The following CDK8 variants were observed in gnomAD, a reference collection of about 807,000 sequenced individuals.
CDK8 encodes the protein cyclin dependent kinase 8, also known as cyclin-dependent kinase 8.
In CDK8, 29 loss-of-function variants were observed where a neutral mutation model predicts 71.5. That is an observed-to-expected ratio of 0.41 (90% CI 0.30 to 0.55). The LOEUF (loss-of-function observed/expected upper bound fraction) is 0.55. Among genes scored for constraint, CDK8 ranks in the 20% least tolerant of loss-of-function variants. The probability of loss-of-function intolerance (pLI) is 0.37; values close to 1 mark genes in which losing one functional copy is unlikely to be tolerated. For synonymous variants in CDK8, 161 were observed against 192.1 expected, an observed-to-expected ratio of 0.84 and a Z score of 1.34; for missense variants, 288 against 572.6, an observed-to-expected ratio of 0.50 and a Z score of 5.07.
rs1365657120 is a variant in CDK8 at position 26,257,917 on chromosome 13, TGTGTGA to T, written c.128+3150_128+3155del. Among the ~76,000 whole-genome samples, 514 of 141,870 alleles carry T rather than the reference TGTGTGA, an allele frequency of 3.6e-3. 1 individual carries two copies. The highest frequency in any genetic ancestry group is 0.014 in the African/African-American group (447 of 33,074). The allele number at this position is 141,870 out of a possible 152,430, so 93.1% of individuals were successfully genotyped here. On this transcript the variant is annotated intron_variant, in intron 1 of 12. Coordinates refer to ENST00000381527, the MANE Select transcript of CDK8 (RefSeq NM_001260.3). ...GTTTGTGTGTGTGTGTGTGTGTGTGTGTGTGAGAGAGAGAGAGATACTGCCAACTTT... is the reference window on the plus strand; with the variant it reads ...GTTTGTGTGTGTGTGTGTGTGTGTGTGAGAGAGAGAGATACTGCCAACTTT...
At chr13:26,294,016 G>A (rs2137906055) in intron 1 of CDK8, among the ~76,000 whole-genome samples, 1 of 152,214 alleles carries the variant, frequency 6.6e-6, no homozygotes, top group Non-Finnish European at 1.5e-5. Flanking sequence ...GTGAGATCAT[G>A]TGGTATTTAT....
At chr13:26,310,905 T>G (rs560112124) in intron 1 of CDK8, among the ~76,000 whole-genome samples, 106 of 152,330 alleles carry the variant, frequency 7.0e-4, no homozygotes, top group African/African-American at 2.5e-3. Context: ...CTCAAAAATC[T>G]TTGACATGCC....
intron 9 of CDK8, chr13:26,400,197 A>G (rs192953676): frequency 3.8e-5 from 15 of 396,256 alleles, no homozygotes; most frequent in Non-Finnish European, 3.2e-5. Context: ...CATTTAGATA[A>G]TGGGGGTGGG....
intron 1 of CDK8, among the ~76,000 whole-genome samples, chr13:26,273,342 T>G (rs1872417172): frequency 6.6e-6 from 1 of 152,222 alleles, no homozygotes; most frequent in Non-Finnish European, 1.5e-5. Context: ...AAGATTGTTT[T>G]GACTTTTTTG....
intron 4 of CDK8, among the ~76,000 whole-genome samples, chr13:26,380,858 C>T (rs144875222): frequency 1.4e-4 from 22 of 152,320 alleles, no homozygotes; most frequent in African/African-American, 3.8e-4. Flanking sequence ...ATACCTCTAT[C>T]GCTCTACAGT....
chr13:26,273,774 T>TA (rs1030617566), intron 1 of CDK8, among the ~76,000 whole-genome samples: 2 of 151,032 alleles, frequency 1.3e-5, no homozygotes, highest in Non-Finnish European at 1.5e-5. Context: ...AGCTGTTACT[T>TA]AAAAAAAAAG....
rs1466304110 is a variant in CDK8, at chr13:26,254,596, C to A, written c.-46C>A. The A allele has an allele frequency of 3.2e-6, 4 of 1,269,686 alleles. No individual in the cohort carries two copies. Among genetic ancestry groups the A allele is most frequent in the African/African-American group, 1.5e-5 (1 of 66,886 alleles). The allele number at this position is 1,269,686 out of a possible 1,614,324, so 78.7% of individuals were successfully genotyped here. ...CGTGCTTCCCCGGTCCCCACCCCTG[C>A]CCCCCGGCCCCCCGACCCAGCTCTC... is the stretch of plus-strand genomic sequence containing the variant. On this transcript the variant is annotated 5_prime_UTR_variant, in exon 1 of 13. Coordinates refer to ENST00000381527, the MANE Select transcript of CDK8 (RefSeq NM_001260.3). The surrounding 1 kb of genome is among the most constrained non-coding windows in gnomAD (Gnocchi z 6.7).
At chr13:26,345,529 G>A (rs769229884) in intron 2 of CDK8, among the ~76,000 whole-genome samples, 2 of 151,944 alleles carry the variant, frequency 1.3e-5, no homozygotes, top group Non-Finnish European at 2.9e-5. Context: ...TTACAGGTGT[G>A]TGCCACCACG....
intron 4 of CDK8, among the ~76,000 whole-genome samples, chr13:26,380,556 T>G (rs572341277): frequency 6.6e-6 from 1 of 151,926 alleles, no homozygotes; most frequent in African/African-American, 2.4e-5. Flanking sequence ...TGATCATGGC[T>G]CACTGCGGTC....
In CDK8 at chr13:26,361,631, G is replaced by T. The variant is rs543722117; in HGVS notation, c.456+7751G>T. Among the ~76,000 whole-genome samples the T allele has an allele frequency of 9.6e-4, 146 of 152,134 alleles. 2 individuals carry two copies. Among genetic ancestry groups the T allele is most frequent in the Admixed American group, 9.5e-3 (145 of 15,272 alleles). The stretch of plus-strand genomic sequence containing the variant: ...ACTGGAAGTACAGTTTTTACTGAAT[G>T]CATATTACTCTCACATCATCTTAAA... On this transcript the variant is annotated intron_variant, in intron 4 of 12. Transcript: ENST00000381527.
At chr13:26,326,941 A>G (rs1210635766) in intron 1 of CDK8, among the ~76,000 whole-genome samples, 2 of 152,356 alleles carry the variant, frequency 1.3e-5, no homozygotes, top group East Asian at 3.9e-4. Context: ...TACAATACAC[A>G]GATTCAGTCA....
At chr13:26,362,836 A>G (rs994760897) in intron 4 of CDK8, among the ~76,000 whole-genome samples, 10 of 152,158 alleles carry the variant, frequency 6.6e-5, no homozygotes, top group Non-Finnish European at 1.5e-4. Flanking sequence ...TTGTTTTAAA[A>G]TATGTGATAT....
chr13:26,392,413 T>C (rs1166224729), intron 6 of CDK8, among the ~76,000 whole-genome samples: 1 of 148,558 alleles, frequency 6.7e-6, no homozygotes, highest in East Asian at 2.0e-4. Context: ...CTGCAGCCTC[T>C]GCCTCCCGGG....
chr13:26,321,776 T>C (rs913042281), intron 1 of CDK8, among the ~76,000 whole-genome samples: 5 of 152,102 alleles, frequency 3.3e-5, no homozygotes, highest in African/African-American at 1.2e-4. Flanking sequence ...TTTATGTAGC[T>C]TTATGTCTGT....
intron 1 of CDK8, among the ~76,000 whole-genome samples, chr13:26,258,151 G>T (rs890896644): frequency 6.6e-6 from 1 of 152,064 alleles, no homozygotes; most frequent in African/African-American, 2.4e-5. Flanking sequence ...GGCTTAGAAA[G>T]GTTAAGCAAA....
chr13:26,398,218 T>C (rs889389648), intron 9 of CDK8, among the ~76,000 whole-genome samples: 1 of 152,204 alleles, frequency 6.6e-6, no homozygotes, highest in African/African-American at 2.4e-5. Context: ...CAATATATTA[T>C]CCAGATAATG....
intron 5 of CDK8, among the ~76,000 whole-genome samples, chr13:26,384,292 C>G (rs1875368411): frequency 6.6e-6 from 1 of 151,358 alleles, no homozygotes; most frequent in Non-Finnish European, 1.5e-5. Context: ...GTAAGGCCTA[C>G]TTCATTAAAA....
At chr13:26,314,334 T>C (rs559087350) in intron 1 of CDK8, among the ~76,000 whole-genome samples, 8 of 152,366 alleles carry the variant, frequency 5.3e-5, no homozygotes, top group African/African-American at 1.9e-4. Flanking sequence ...TTTCTAAGTT[T>C]CTGTTAACAT....
In CDK8 at chr13:26,329,484, T is replaced by TG. The variant is rs144561960; in HGVS notation, c.129-8083_129-8082insG. On this transcript the variant is annotated intron_variant, in intron 1 of 12. Coordinates refer to ENST00000381527, the MANE Select transcript of CDK8 (RefSeq NM_001260.3). ...GCCTATTTCTGTTTTTTTTTTTTTG[T>TG]TTTTTTTTTGTTTGTTTTGTTTTGT... 1.5e-3 allele frequency among the ~76,000 whole-genome samples: 48 copies of TG among 31,934 alleles called. No homozygotes were observed. The Admixed American group carries it at 0.016, about 11-fold the overall frequency. 20.9% of individuals were successfully genotyped at this position (31,934 alleles called of 152,430 possible).
Sources: gnomAD v4.1 joint callset for allele counts (sites outside exome capture counted in the v4.1 genomes callset) on GRCh38, gnomAD v4.1.1 for gene constraint, Gnocchi (gnomAD v3.1) non-coding constraint, MANE v1.5 for transcripts, NCBI Gene and HGNC (gene_info 2026-07-23, HGNC 2026-07-21) for gene names.